ENOX2: variants seen among roughly 807,000 people sequenced by gnomAD.
ENOX2 encodes the protein ecto-NOX disulfide-thiol exchanger 2, also known as APK1 antigen.
A neutral mutation model predicts 45.0 loss-of-function variants in ENOX2; 36 were observed. The ratio of observed to expected loss-of-function variants is 0.80; its 90% CI spans 0.61 to 1.06. ENOX2 has a LOEUF of 1.06. Among genes scored for constraint, ENOX2 ranks in the 50% least tolerant of loss-of-function variants. The probability of loss-of-function intolerance (pLI) is 0.00; values close to 1 mark genes in which losing one functional copy is unlikely to be tolerated. For missense variants in ENOX2, 423 were observed against 462.5 expected, an observed-to-expected ratio of 0.91 and a Z score of 0.78; for synonymous variants, 174 against 152.3, an observed-to-expected ratio of 1.14 and a Z score of -1.05.
chrX:130,624,493 G>A lies in ENOX2; in HGVS notation c.*821C>T, dbSNP rs986868177. Reference sequence around the variant, plus strand: ...ATCCCTTCTGCCACTGTGTGCGTGCGTGTGTGTGTTTGTGCGTGTGTGCCC... The same window carrying A: ...ATCCCTTCTGCCACTGTGTGCGTGCATGTGTGTGTTTGTGCGTGTGTGCCC... On this transcript the variant is annotated 3_prime_UTR_variant, in exon 15 of 15. Transcript: ENST00000394363. The A allele has an allele frequency of 8.9e-6, 1 of 112,480 alleles. No homozygotes were observed. Among genetic ancestry groups the A allele is most frequent in the African/African-American group, 3.2e-5 (1 of 30,880 alleles). The allele number at this position is 112,480 out of a possible 1,213,427, so 9.3% of individuals were successfully genotyped here.
chrX:130,825,367 C>T (rs1228149887), intron 2 of ENOX2, among the ~76,000 whole-genome samples: 2 of 110,949 alleles, frequency 1.8e-5, no homozygotes, highest in African/African-American at 6.5e-5. Flanking sequence ...ACACCAACTT[C>T]GGGGGGGTAC....
rs1190698872 is a variant in ENOX2, at chrX:130,662,166, G to T, written c.1014+3477C>A. Among the ~76,000 whole-genome samples, 3 of 111,782 alleles carry T rather than the reference G, an allele frequency of 2.7e-5. No homozygotes were observed. The East Asian group carries it at 8.4e-4, about 31-fold the overall frequency. ...CTTCATTCAGCCTTCTCCTAATACC[G>T]TTTTCAGTTGTATTAGCAGGGACCT... On this transcript the variant is annotated intron_variant, in intron 9 of 14. Transcript: ENST00000394363.
At chrX:130,891,330 G>C (rs892363078) in intron 2 of ENOX2, among the ~76,000 whole-genome samples, 2 of 107,873 alleles carry the variant, frequency 1.9e-5, no homozygotes, top group Non-Finnish European at 3.8e-5. Flanking sequence ...GGAATAGTTT[G>C]TTTTCCTCAA....
intron 3 of ENOX2, among the ~76,000 whole-genome samples, chrX:130,747,015 A>G (rs1283959324): frequency 2.7e-5 from 3 of 112,267 alleles, no homozygotes; most frequent in Non-Finnish European, 5.6e-5. Flanking sequence ...CCTACTCTTA[A>G]ATATTAACTG....
chrX:130,777,533 T>C (rs1370410230), intron 3 of ENOX2, among the ~76,000 whole-genome samples: 1 of 109,283 alleles, frequency 9.2e-6, no homozygotes. Flanking sequence ...TGAGGTTGTC[T>C]CCAACTCTAA....
At chrX:130,749,871 T>C (rs919650260) in intron 3 of ENOX2, among the ~76,000 whole-genome samples, 5 of 110,275 alleles carry the variant, frequency 4.5e-5, no homozygotes, top group Admixed American at 9.7e-5. Context: ...TCTCTGTCCG[T>C]CTCTCAGTCC....
At chrX:130,811,118 T>G (rs754784506) in intron 2 of ENOX2, among the ~76,000 whole-genome samples, 1 of 111,235 alleles carries the variant, frequency 9.0e-6, no homozygotes, top group Admixed American at 9.4e-5. Context: ...CCCTGTGAAT[T>G]CAGGCTATCT....
At chrX:130,847,750 C>T (rs2078134590) in intron 2 of ENOX2, among the ~76,000 whole-genome samples, 1 of 112,403 alleles carries the variant, frequency 8.9e-6, no homozygotes, top group Admixed American at 9.4e-5. Context: ...GACCATGATA[C>T]AAACTATTGT....
intron 5 of ENOX2, among the ~76,000 whole-genome samples, chrX:130,682,369 G>A (rs1447787617): frequency 9.2e-6 from 1 of 108,634 alleles, no homozygotes; most frequent in Non-Finnish European, 1.9e-5. Context: ...CGGATCACGA[G>A]GTCAGGAGAT....
chrX:130,833,213 G>A (rs1375488251), intron 2 of ENOX2, among the ~76,000 whole-genome samples: 1 of 111,123 alleles, frequency 9.0e-6, no homozygotes, highest in Non-Finnish European at 1.9e-5. Context: ...ACTGGAATCT[G>A]GGCACACATG....
At chrX:130,629,398 C>G (rs969711316) in intron 13 of ENOX2, among the ~76,000 whole-genome samples, 2 of 112,660 alleles carry the variant, frequency 1.8e-5, no homozygotes, top group Admixed American at 9.3e-5. Flanking sequence ...TTTCCTTTCT[C>G]TCTGCCAGCC....
chrX:130,632,364 C>CAG (rs751713721), intron 12 of ENOX2, among the ~76,000 whole-genome samples: 1 of 7,784 alleles, frequency 1.3e-4, no homozygotes, highest in Non-Finnish European at 3.1e-4. Context: ...CAGGAAGGGG[C>CAG]GGGGGGGGGG....
At chrX:130,825,832 CATAAG>C (rs766498359) in intron 2 of ENOX2, among the ~76,000 whole-genome samples, 3 of 110,393 alleles carry the variant, frequency 2.7e-5, no homozygotes, top group African/African-American at 6.6e-5. Flanking sequence ...GAGTACAATG[CATAAG>C]ATATTATGAG....
intron 12 of ENOX2, among the ~76,000 whole-genome samples, chrX:130,633,935 C>T (rs748266946): frequency 1.2e-4 from 14 of 112,101 alleles, no homozygotes; most frequent in Non-Finnish European, 2.6e-4. Flanking sequence ...TTTAATAGTG[C>T]CCACAAAACT....
intron 3 of ENOX2, among the ~76,000 whole-genome samples, chrX:130,741,272 G>A (rs1399442442): frequency 1.8e-5 from 2 of 111,113 alleles, no homozygotes; most frequent in African/African-American, 6.6e-5. Flanking sequence ...CTGCCCTGTG[G>A]GGAATATATA....
At chrX:130,733,428 T>C (rs1467552423) in intron 3 of ENOX2, among the ~76,000 whole-genome samples, 2 of 110,747 alleles carry the variant, frequency 1.8e-5, no homozygotes, top group African/African-American at 3.3e-5. Context: ...TAAAGAAATA[T>C]GTAACTACCA....
chrX:130,795,644 T>C (rs184470841), intron 2 of ENOX2, among the ~76,000 whole-genome samples: 364 of 111,784 alleles, frequency 3.3e-3, no homozygotes, highest in African/African-American at 0.011. Context: ...GAAAGGCAGA[T>C]ACATACAAAG....
intron 3 of ENOX2, among the ~76,000 whole-genome samples, chrX:130,716,443 G>GCT (rs772066616): frequency 2.1e-4 from 24 of 111,818 alleles, no homozygotes; most frequent in Non-Finnish European, 4.1e-4. Flanking sequence ...TTGTATCTGT[G>GCT]CTCTCTCTCC....
chrX:130,824,590 A>G (rs1465246082), intron 2 of ENOX2, among the ~76,000 whole-genome samples: 1 of 111,916 alleles, frequency 8.9e-6, no homozygotes, highest in Non-Finnish European at 1.9e-5. Flanking sequence ...GGGCTTGTTC[A>G]GCAAAGGCAG....
Sources: allele counts gnomAD v4.1 joint callset (sites outside exome capture counted in the v4.1 genomes callset), GRCh38; gene constraint gnomAD v4.1.1; transcripts MANE v1.5; gene names NCBI Gene and HGNC (gene_info 2026-07-23, HGNC 2026-07-21).